Variants in MGAT4C observed in about 807,000 individuals in gnomAD.
MGAT4C encodes the protein MGAT4 family member C, also known as alpha-1,3-mannosyl-glycoprotein 4-beta-N-acetylglucosaminyltransferase C.
MGAT4C carries 19 observed loss-of-function variants against 40.1 expected under a neutral mutation model. That is an observed-to-expected ratio of 0.47 (90% confidence interval 0.33 to 0.70). The LOEUF (loss-of-function observed/expected upper bound fraction) is 0.70. Among genes scored for constraint, MGAT4C ranks in the 30% least tolerant of loss-of-function variants. The pLI is 0.02. For missense variants in MGAT4C, 491 were observed against 563.2 expected (o/e 0.87, Z 1.30); for synonymous variants, 181 against 187.1 (o/e 0.97, Z 0.27).
intron 3 of MGAT4C, among the ~76,000 whole-genome samples, chr12:86,374,242 T>A (rs1298206393): frequency 6.6e-6 from 1 of 152,092 alleles, no homozygotes; most frequent in Non-Finnish European, 1.5e-5. Context: ...TTATTTAAGT[T>A]TCAAGCAAAG....
chr12:86,814,311 T>TGAAAGGC lies in MGAT4C; in HGVS notation c.-262+24354_-262+24355insGCCTTTC, dbSNP rs1566009087. ...ATATATATACATATACGTATATATA[T>TGAAAGGC]ACGTATATATACATATACGTATATA... On this transcript the variant is annotated intron_variant, in intron 1 of 7. Coordinates refer to the MGAT4C transcript ENST00000548651. 3.7e-3 allele frequency among the ~76,000 whole-genome samples: 18 copies of TGAAAGGC among 4,896 alleles called. No individual in the cohort carries two copies. In the East Asian group the frequency reaches 0.12, roughly 32 times the overall value. 3.2% of individuals were successfully genotyped at this position (4,896 alleles called of 152,430 possible).
At chr12:85,984,274 T>C (rs868652308) in intron 3 of MGAT4C, among the ~76,000 whole-genome samples, 3 of 152,168 alleles carry the variant, frequency 2.0e-5, no homozygotes, top group Non-Finnish European at 2.9e-5. Flanking sequence ...ATGGCAGTAA[T>C]TTTTTTCATA....
chr12:86,744,902 T>C (rs188739230), intron 1 of MGAT4C, among the ~76,000 whole-genome samples: 1 of 151,698 alleles, frequency 6.6e-6, no homozygotes, highest in Admixed American at 6.6e-5. Context: ...TGAAACATAA[T>C]AAGCTTAAAA....
intron 3 of MGAT4C, among the ~76,000 whole-genome samples, chr12:86,415,006 T>A (rs1956679212): frequency 6.6e-6 from 1 of 151,922 alleles, no homozygotes; most frequent in South Asian, 2.1e-4. Flanking sequence ...GCATCTTGAG[T>A]TTCAACTGGT....
intron 2 of MGAT4C, among the ~76,000 whole-genome samples, chr12:86,711,645 G>GA: frequency 6.6e-6 from 1 of 151,752 alleles, no homozygotes; most frequent in South Asian, 2.1e-4. Context: ...ATAAATGGAA[G>GA]AAAAAAATAT....
chr12:86,253,227 T>A (rs1952375323), intron 1 of MGAT4C, among the ~76,000 whole-genome samples: 1 of 151,934 alleles, frequency 6.6e-6, no homozygotes, highest in South Asian at 2.1e-4. Flanking sequence ...ACAACAAGAA[T>A]TTTTTTACAT....
intron 2 of MGAT4C, among the ~76,000 whole-genome samples, chr12:86,619,436 G>C (rs1318256710): frequency 6.6e-6 from 1 of 151,962 alleles, no homozygotes; most frequent in East Asian, 1.9e-4. Context: ...CAAAATACTT[G>C]CACCTCCACA....
intron 2 of MGAT4C, among the ~76,000 whole-genome samples, chr12:86,554,342 TAAATA>T (rs1360723063): frequency 6.6e-6 from 1 of 152,194 alleles, no homozygotes; most frequent in African/African-American, 2.4e-5. Flanking sequence ...GCTCTATTAT[TAAATA>T]AAATAAACCA....
At chr12:86,463,419 G>C (rs1207109330) in intron 2 of MGAT4C, among the ~76,000 whole-genome samples, 2 of 152,062 alleles carry the variant, frequency 1.3e-5, no homozygotes, top group South Asian at 2.1e-4. Context: ...ATTTTCTATA[G>C]TTCTTATATG....
chr12:86,574,304 CTTCAAG>C (rs1296178751), intron 2 of MGAT4C, among the ~76,000 whole-genome samples: 4 of 151,702 alleles, frequency 2.6e-5, no homozygotes, highest in Non-Finnish European at 5.9e-5. Flanking sequence ...CCAGTGAAAA[CTTCAAG>C]TTCATCACTT....
At chr12:86,599,124 T>G (rs1216960596) in intron 2 of MGAT4C, among the ~76,000 whole-genome samples, 2 of 152,130 alleles carry the variant, frequency 1.3e-5, no homozygotes, top group Non-Finnish European at 2.9e-5. Flanking sequence ...TGTCTATATG[T>G]CTAGTCTTGA....
intron 4 of MGAT4C, among the ~76,000 whole-genome samples, chr12:86,322,783 C>T (rs1255893345): frequency 6.6e-6 from 1 of 151,882 alleles, no homozygotes; most frequent in Non-Finnish European, 1.5e-5. Context: ...AGTCATAGAG[C>T]ATATATTTTT....
chr12:86,221,050 T>C (rs544510851), intron 1 of MGAT4C, among the ~76,000 whole-genome samples: 1 of 152,258 alleles, frequency 6.6e-6, no homozygotes, highest in South Asian at 2.1e-4. Flanking sequence ...CGGGGGAATG[T>C]GTGTGCTAGT....
In MGAT4C at chr12:85,973,734, C is replaced by T. The variant is rs773154837; in HGVS notation, c.*5555G>A. The T allele has an allele frequency of 1.3e-5, 2 of 150,702 alleles. No homozygotes were observed. The highest frequency in any genetic ancestry group is 3.0e-5 in the Non-Finnish European group (2 of 67,014). The allele number at this position is 150,702 out of a possible 1,614,324, so 9.3% of individuals were successfully genotyped here. On this transcript the variant is annotated 3_prime_UTR_variant, in exon 5 of 5. Coordinates refer to ENST00000611864, the MANE Select transcript of MGAT4C (RefSeq NM_001351288.2). ...TCACTTTCTCACATAATCAATTTAA[C>T]TTTTTGGTAAATCTTCTAAGAGACC...
intron 3 of MGAT4C, among the ~76,000 whole-genome samples, chr12:86,371,214 A>G (rs1299971371): frequency 6.6e-6 from 1 of 151,886 alleles, no homozygotes; most frequent in African/African-American, 2.4e-5. Context: ...AGTCACCAAG[A>G]CTTTCTGTCT....
chr12:86,070,329 C>G (rs1378821440), intron 1 of MGAT4C, among the ~76,000 whole-genome samples: 2 of 152,010 alleles, frequency 1.3e-5, no homozygotes, highest in Non-Finnish European at 2.9e-5. Flanking sequence ...TTTCTGTCTT[C>G]TCACATTTGA....
intron 4 of MGAT4C, among the ~76,000 whole-genome samples, chr12:86,275,872 C>T (rs1456658613): frequency 3.6e-5 from 5 of 137,768 alleles, no homozygotes; most frequent in East Asian, 2.2e-4. Context: ...GAGGCCGAGG[C>T]GGCGGATCAC....
chr12:86,599,700 C>T (rs1961692561), intron 2 of MGAT4C: 1 of 152,108 alleles, frequency 6.6e-6, no homozygotes, highest in Non-Finnish European at 1.5e-5. Flanking sequence ...AAATTCCTCT[C>T]TAAATTCACA....
At chr12:85,999,674 T>C (rs1887080682) in intron 2 of MGAT4C, among the ~76,000 whole-genome samples, 1 of 151,700 alleles carries the variant, frequency 6.6e-6, no homozygotes, top group Admixed American at 6.6e-5. Flanking sequence ...TAAAATAGAA[T>C]GGAATACTAT....
Sources: allele counts gnomAD v4.1 joint callset (sites outside exome capture counted in the v4.1 genomes callset), GRCh38; gene constraint gnomAD v4.1.1; transcripts MANE v1.5; gene names NCBI Gene and HGNC (gene_info 2026-07-23, HGNC 2026-07-21).